The following MAP2 variants were observed in gnomAD, a reference collection of about 807,000 sequenced individuals.
The protein encoded by MAP2 is microtubule associated protein 2, also known as microtubule-associated protein 2.
In MAP2, 14 loss-of-function variants were observed where a neutral mutation model predicts 137.6. The observed-to-expected ratio is 0.10, with a 90% confidence interval of 0.07 to 0.16. The LOEUF (loss-of-function observed/expected upper bound fraction) is 0.16, where lower values mean the gene tolerates loss of function less well. Ranked by LOEUF, MAP2 falls within the 10% of genes least tolerant of loss-of-function variation. The pLI is 1.00. For missense variants in MAP2, 2,088 were observed against 2,191.5 expected (o/e 0.95, Z 0.94); for synonymous variants, 786 against 782.3 (o/e 1.00, Z -0.08).
In MAP2 at chr2:209,508,655, G is replaced by C. The variant is rs1053297069; in HGVS notation, c.-172+1014G>C. Among the ~76,000 whole-genome samples, 8 of 151,154 alleles carry C rather than the reference G, an allele frequency of 5.3e-5. No individual in the cohort carries two copies. In the East Asian group the frequency reaches 1.6e-3, roughly 29 times the overall value. ...TTATTTCTCTTTTCAGGTTCAAACTGTGCTTTCCTATCTTCGAAATCTGTA... is the reference window on the plus strand; with the variant it reads ...TTATTTCTCTTTTCAGGTTCAAACTCTGCTTTCCTATCTTCGAAATCTGTA... On this transcript the variant is annotated intron_variant, in intron 2 of 15. Coordinates refer to ENST00000682079, the MANE Select transcript of MAP2 (RefSeq NM_001375505.1).
At chr2:209,451,134 T>C (rs940507284) in intron 1 of MAP2, among the ~76,000 whole-genome samples, 1 of 152,186 alleles carries the variant, frequency 6.6e-6, no homozygotes, top group African/African-American at 2.4e-5. Flanking sequence ...CTGATACTGA[T>C]ATAAGATACA....
At chr2:209,449,981 G>C (rs1699969198) in intron 1 of MAP2, among the ~76,000 whole-genome samples, 1 of 151,990 alleles carries the variant, frequency 6.6e-6, no homozygotes, top group Admixed American at 6.6e-5. Flanking sequence ...CACTCTTGTA[G>C]CCCAGGCTAG....
chr2:209,455,554 G>A (rs367780339), intron 1 of MAP2, among the ~76,000 whole-genome samples: 3 of 152,252 alleles, frequency 2.0e-5, no homozygotes, highest in South Asian at 4.1e-4. Context: ...AAATATGGAT[G>A]CATCTTTAGG....
intron 2 of MAP2, among the ~76,000 whole-genome samples, chr2:209,516,031 G>A (rs1310076300): frequency 1.3e-5 from 2 of 152,016 alleles, no homozygotes; most frequent in Non-Finnish European, 1.5e-5. Flanking sequence ...CTGGGCTCAC[G>A]CAATCCTCCC....
chr2:209,727,777 C>T (rs758163640), intron 14 of MAP2, among the ~76,000 whole-genome samples: 1 of 152,068 alleles, frequency 6.6e-6, no homozygotes, highest in Non-Finnish European at 1.5e-5. Context: ...CAGAATTCTT[C>T]GAAAATCAAA....
At chr2:209,572,163 T>C (rs572221774) in intron 2 of MAP2, among the ~76,000 whole-genome samples, 24 of 152,108 alleles carry the variant, frequency 1.6e-4, no homozygotes, top group Admixed American at 9.8e-4. Flanking sequence ...AACTCAGAAG[T>C]ATTAAAGCCT....
intron 1 of MAP2, among the ~76,000 whole-genome samples, chr2:209,493,712 G>A (rs529644740): frequency 1.3e-5 from 2 of 152,292 alleles, no homozygotes; most frequent in African/African-American, 4.8e-5. Context: ...TTAGAGAAAA[G>A]CAAATCAAAA....
chr2:209,544,233 A>G (rs1242313803), intron 2 of MAP2, among the ~76,000 whole-genome samples: 1 of 151,886 alleles, frequency 6.6e-6, no homozygotes, highest in African/African-American at 2.4e-5. Context: ...ACTCTGTCTC[A>G]AAAGAAAAAA....
rs2059569043 is a variant in MAP2, at chr2:209,693,916, A to G, written c.1746A>G (p.Ala582=). 9.9e-6 allele frequency: 16 copies of G among 1,611,238 alleles called. No homozygotes were observed. Among genetic ancestry groups the G allele is most frequent in the Non-Finnish European group, 1.3e-5 (15 of 1,179,134 alleles). The change falls in exon 8 of 16, where the codon GCA becomes GCG. Residue 582 remains alanine (A), a synonymous_variant. Coordinates refer to ENST00000682079, the MANE Select transcript of MAP2 (RefSeq NM_001375505.1). ...AAACATCTGCCTTGAAAGAAGAAGC[A>G]ACAAAAAGCATTGAGCCAGGCAGTG... ...YFETSALKEE[A]TKSIEPGSDY... is the part of the protein sequence containing the mutation.
At chr2:209,714,202 A>G (rs538537454) in intron 13 of MAP2, among the ~76,000 whole-genome samples, 2 of 152,246 alleles carry the variant, frequency 1.3e-5, no homozygotes, top group South Asian at 4.1e-4. Flanking sequence ...ACTCTGTCTC[A>G]ATAAATAAAT....
At chr2:209,617,078 G>A (rs1226735215) in intron 3 of MAP2, among the ~76,000 whole-genome samples, 1 of 152,072 alleles carries the variant, frequency 6.6e-6, no homozygotes, top group African/African-American at 2.4e-5. Flanking sequence ...ATACAGTGTG[G>A]GGAGTCATAA....
chr2:209,635,779 C>T (rs1317455629), intron 4 of MAP2, among the ~76,000 whole-genome samples: 1 of 152,152 alleles, frequency 6.6e-6, no homozygotes, highest in Non-Finnish European at 1.5e-5. Flanking sequence ...TCACTGTTTT[C>T]TCCCTGAAAG....
chr2:209,601,443 GA>G (rs2082973834), intron 3 of MAP2, among the ~76,000 whole-genome samples: 1 of 152,024 alleles, frequency 6.6e-6, no homozygotes, highest in Non-Finnish European at 1.5e-5. Flanking sequence ...TAACTAGAGA[GA>G]AAAATACTGT....
chr2:209,606,620 A>T (rs1268906390), intron 3 of MAP2, among the ~76,000 whole-genome samples: 1 of 152,308 alleles, frequency 6.6e-6, no homozygotes, highest in South Asian at 2.1e-4. Flanking sequence ...ACATCTCTCT[A>T]TTAAATTGGA....
chr2:209,662,992 T>A (rs1010902577), intron 5 of MAP2, among the ~76,000 whole-genome samples: 2 of 152,156 alleles, frequency 1.3e-5, no homozygotes, highest in African/African-American at 2.4e-5. Flanking sequence ...ATTCTTTGAT[T>A]ATATTACTTG....
chr2:209,691,810 A>G (rs2058991417), intron 7 of MAP2, among the ~76,000 whole-genome samples: 1 of 152,200 alleles, frequency 6.6e-6, no homozygotes, highest in East Asian at 1.9e-4. Flanking sequence ...ACTCTTTTGA[A>G]AAGTTTGTTA....
chr2:209,516,652 T>A lies in MAP2; in HGVS notation c.-172+9011T>A, dbSNP rs139738856. Among the ~76,000 whole-genome samples, 5 of 152,304 alleles carry A rather than the reference T, an allele frequency of 3.3e-5. No individual in the cohort carries two copies. In the East Asian group the frequency reaches 7.7e-4, roughly 24 times the overall value. On this transcript the variant is annotated intron_variant, in intron 2 of 15. Transcript: ENST00000682079. ...TGAGTCAGTGAGCAGGACGTTTAAC[T>A]TGACAGGCAACTTTATAGTTGCAAA... is the stretch of plus-strand genomic sequence containing the variant.
Position 209,696,143 on chromosome 2 carries a change from C to T in MAP2, c.3973C>T (p.Pro1325Ser), listed in dbSNP as rs921277074. 59 of 1,612,974 alleles carry T rather than the reference C, an allele frequency of 3.7e-5. No homozygotes were observed. Among genetic ancestry groups the T allele is most frequent in the Middle Eastern group, 1.7e-4 (1 of 6,048 alleles). The stretch of plus-strand genomic sequence containing the variant: ...GCCTGAGGTGGAAAGGAGACCATCT[C>T]CTCATGATGAAGAAGAGTTTGAAGT... ...EQPEVERRPSPHDEEEFEVEE... is the reference protein window; with the variant it reads ...EQPEVERRPSSHDEEEFEVEE... Residue 1325 changes from proline (P) to serine (S), a missense_variant, in exon 8 of 16, where the codon CCT becomes TCT. By Grantham distance (74) the Pro-to-Ser change is moderately conservative. This residue lies in a region of MAP2 where 591 missense variants were observed against 642.6 expected (regional missense o/e 0.92). Coordinates refer to ENST00000682079, the MANE Select transcript of MAP2 (RefSeq NM_001375505.1).
chr2:209,476,397 G>GT (rs5838170), intron 1 of MAP2, among the ~76,000 whole-genome samples: 100,929 of 143,662 alleles, frequency 0.7, 37,371 homozygotes, highest in Non-Finnish European at 0.86. Flanking sequence ...GTTTTTCTTA[G>GT]TTTTTTTTTT....
Sources: allele counts gnomAD v4.1 joint callset (sites outside exome capture counted in the v4.1 genomes callset), GRCh38; gene constraint gnomAD v4.1.1; regional missense constraint gnomAD v4.1.1; transcripts MANE v1.5; gene names NCBI Gene and HGNC (gene_info 2026-07-23, HGNC 2026-07-21).